TENM4: variants seen among roughly 807,000 people sequenced by gnomAD.
The protein encoded by TENM4 is teneurin transmembrane protein 4, also known as teneurin-4.
Under a neutral mutation model 243.3 loss-of-function variants are expected in TENM4, and 82 were observed. That is an observed-to-expected ratio of 0.34 (90% CI 0.28 to 0.40). The LOEUF is 0.40. Ranked by LOEUF, TENM4 falls within the 10% of genes least tolerant of loss-of-function variation. TENM4 has a pLI of 1.00. For synonymous variants in TENM4, 1,412 were observed against 1,456.3 expected (o/e 0.97, Z 0.69); for missense variants, 3,138 against 3,673.3 (o/e 0.85, Z 3.77).
chr11:79,176,546 A>G (rs1863162421), intron 3 of TENM4, among the ~76,000 whole-genome samples: 1 of 152,114 alleles, frequency 6.6e-6, no homozygotes, highest in Non-Finnish European at 1.5e-5. Flanking sequence ...AACCCAATTA[A>G]AAAAACTATT....
At chr11:79,366,798 A>G (rs903627593) in intron 1 of TENM4, among the ~76,000 whole-genome samples, 11 of 152,204 alleles carry the variant, frequency 7.2e-5, no homozygotes, top group Non-Finnish European at 1.5e-4. Context: ...ATCTAAACAC[A>G]GGAGAAATCA....
At chr11:79,356,029 C>T (rs558073937) in intron 1 of TENM4, among the ~76,000 whole-genome samples, 68 of 152,316 alleles carry the variant, frequency 4.5e-4, no homozygotes, top group African/African-American at 1.4e-3. Flanking sequence ...GGCCCACAGA[C>T]TCACCCCAGG....
intron 7 of TENM4, among the ~76,000 whole-genome samples, chr11:78,892,902 T>C (rs1326487238): frequency 1.3e-5 from 2 of 152,198 alleles, no homozygotes; most frequent in Non-Finnish European, 2.9e-5. Context: ...TATAACCCTG[T>C]CTCTCTCTGC....
At chr11:79,340,921 G>A (rs1017364947) in intron 1 of TENM4, among the ~76,000 whole-genome samples, 1 of 152,218 alleles carries the variant, frequency 6.6e-6, no homozygotes, top group African/African-American at 2.4e-5. Flanking sequence ...ACTGTGCAGA[G>A]GTGATTGAGT....
chr11:79,039,816 A>T (rs1262315155), intron 6 of TENM4, among the ~76,000 whole-genome samples: 1 of 152,152 alleles, frequency 6.6e-6, no homozygotes, highest in Non-Finnish European at 1.5e-5. Flanking sequence ...AAATCAACAA[A>T]CAAACAAAAT....
chr11:78,835,900 C>T (rs1337867392), intron 12 of TENM4, among the ~76,000 whole-genome samples: 3 of 152,226 alleles, frequency 2.0e-5, no homozygotes, highest in Admixed American at 6.5e-5. Flanking sequence ...TTGTTCACAA[C>T]AGCAGCCACA....
chr11:78,815,352 C>T (rs917539761), intron 12 of TENM4, among the ~76,000 whole-genome samples: 4 of 151,940 alleles, frequency 2.6e-5, no homozygotes, highest in Admixed American at 6.6e-5. Context: ...CACTATTACA[C>T]TCTAGACTGG....
intron 9 of TENM4, among the ~76,000 whole-genome samples, chr11:78,885,439 G>A (rs1180666407): frequency 2.0e-5 from 3 of 152,222 alleles, no homozygotes; most frequent in Non-Finnish European, 4.4e-5. Context: ...GCTCAGGCCA[G>A]AGCAGCCAAG....
chr11:78,722,882 C>A lies in TENM4; in HGVS notation c.3586G>T (p.Val1196Leu), dbSNP rs200612048. Residue 1196 changes from valine to leucine, a missense_variant, in exon 24 of 34, where the codon GTG becomes TTG. Coordinates refer to ENST00000278550, the MANE Select transcript of TENM4 (RefSeq NM_001098816.3). Reference sequence around the variant, plus strand: ...CCAATGACAGGAGGCTGCTGAGACACAAACTGGTTCTCCCCATTCCCTTTG... The same window carrying A: ...CCAATGACAGGAGGCTGCTGAGACAAAAACTGGTTCTCCCCATTCCCTTTG... Reference protein sequence around the residue: ...LHKGNGENQFVSQQPPVIGSI... With the variant: ...LHKGNGENQFLSQQPPVIGSI... 209 of 1,614,048 alleles carry A rather than the reference C, an allele frequency of 1.3e-4. No homozygotes were observed. The Middle Eastern group carries it at 1.3e-3, about 10-fold the overall frequency.
intron 1 of TENM4, among the ~76,000 whole-genome samples, chr11:79,366,594 T>A (rs1857681989): frequency 6.6e-6 from 1 of 152,186 alleles, no homozygotes; most frequent in South Asian, 2.1e-4. Flanking sequence ...CCAAAGGTAA[T>A]GTAACCAATA....
intron 2 of TENM4, among the ~76,000 whole-genome samples, chr11:79,235,093 C>G (rs565715452): frequency 1.2e-3 from 179 of 152,192 alleles, no homozygotes; most frequent in Non-Finnish European, 2.2e-3. Context: ...GCGGGTGGAT[C>G]ATGAGGTCAG....
chr11:79,027,700 G>A (rs1000458503), intron 6 of TENM4, among the ~76,000 whole-genome samples: 1 of 152,160 alleles, frequency 6.6e-6, no homozygotes, highest in Non-Finnish European at 1.5e-5. Context: ...CTGGCCTTCT[G>A]TGAACACCAG....
intron 6 of TENM4, among the ~76,000 whole-genome samples, chr11:79,040,098 T>C (rs1249336831): frequency 1.3e-5 from 2 of 151,896 alleles, no homozygotes; most frequent in Non-Finnish European, 2.9e-5. Context: ...ACAGAACCTC[T>C]TCGTGTCTCT....
intron 6 of TENM4, among the ~76,000 whole-genome samples, chr11:78,973,657 A>T (rs1397622536): frequency 1.3e-5 from 2 of 152,102 alleles, no homozygotes; most frequent in African/African-American, 4.8e-5. Context: ...CTTACATTCT[A>T]GTGAAAGAAA....
chr11:79,040,661 GA>G (rs1408052832), intron 6 of TENM4, among the ~76,000 whole-genome samples: 2 of 152,194 alleles, frequency 1.3e-5, no homozygotes, highest in Non-Finnish European at 1.5e-5. Flanking sequence ...GCCTGGAGAG[GA>G]GGCAAAGAGG....
At chr11:78,672,661 G>C (rs2135682011) in intron 30 of TENM4, among the ~76,000 whole-genome samples, 1 of 152,270 alleles carries the variant, frequency 6.6e-6, no homozygotes, top group South Asian at 2.1e-4. Context: ...CGTTTTAAAA[G>C]GCAGATCCTT....
chr11:79,239,098 G>T lies in TENM4; in HGVS notation c.-264-23189C>A, dbSNP rs74872929. 2.2e-4 allele frequency among the ~76,000 whole-genome samples: 34 copies of T among 152,262 alleles called. No individual in the cohort carries two copies. In the East Asian group the frequency reaches 6.2e-3, roughly 28 times the overall value. On this transcript the variant is annotated intron_variant, in intron 2 of 33. Transcript: ENST00000278550. ...GAGCTCTGTCTGCAGAGACAGCTCT[G>T]GTTGCAGAAGGACATGATGCCATCA...
At chr11:78,671,450 A>C (rs905429676) in intron 31 of TENM4, among the ~76,000 whole-genome samples, 2 of 152,246 alleles carry the variant, frequency 1.3e-5, no homozygotes, top group African/African-American at 4.8e-5. Flanking sequence ...CATGCAGTGC[A>C]CTTGTTCTCA....
intron 1 of TENM4, among the ~76,000 whole-genome samples, chr11:79,372,276 A>G (rs540691661): frequency 6.6e-6 from 1 of 152,352 alleles, no homozygotes; most frequent in African/African-American, 2.4e-5. Flanking sequence ...CAAGACCCAT[A>G]TGATGGGATT....
Sources: gnomAD v4.1 joint callset for allele counts (sites outside exome capture counted in the v4.1 genomes callset) on GRCh38, gnomAD v4.1.1 for gene constraint, MANE v1.5 for transcripts, NCBI Gene and HGNC (gene_info 2026-07-23, HGNC 2026-07-21) for gene names.